STK3: variants seen among roughly 807,000 people sequenced by gnomAD.
STK3 encodes the protein serine/threonine kinase 3, also known as serine/threonine-protein kinase 3.
In STK3, 41 loss-of-function variants were observed where a neutral mutation model predicts 58.0. The ratio of observed to expected loss-of-function variants is 0.71; its 90% CI spans 0.55 to 0.92. The LOEUF (loss-of-function observed/expected upper bound fraction) is 0.92, where lower values mean the gene tolerates loss of function less well. Ranked by LOEUF, STK3 falls within the 40% of genes least tolerant of loss-of-function variation. The pLI is 0.00. For missense variants in STK3, 479 were observed against 602.7 expected, an observed-to-expected ratio of 0.79 and a Z score of 2.15; for synonymous variants, 170 against 191.0, an observed-to-expected ratio of 0.89 and a Z score of 0.91.
At chr8:98,786,252 AG>A (rs1832456955) in intron 1 of STK3, among the ~76,000 whole-genome samples, 1 of 152,226 alleles carries the variant, frequency 6.6e-6, no homozygotes, top group South Asian at 2.1e-4. Flanking sequence ...ACCAAGCAAA[AG>A]AAAGAATTTC....
chr8:98,651,145 C>G (rs946418358), intron 6 of STK3, among the ~76,000 whole-genome samples: 1 of 152,216 alleles, frequency 6.6e-6, no homozygotes, highest in Non-Finnish European at 1.5e-5. Flanking sequence ...TGAGACAAAA[C>G]TTCCAGAGGA....
rs184491996 is a variant in STK3 at position 98,799,528 on chromosome 8, G to T, written c.27-24709C>A. 1.2e-3 allele frequency among the ~76,000 whole-genome samples: 188 copies of T among 152,246 alleles called. 1 individual carries two copies. Among genetic ancestry groups the T allele is most frequent in the African/African-American group, 4.4e-3 (181 of 41,542 alleles). ...CCTTTAAAAGCCAGGGTAAGGTTCT[G>T]TCTACCCAGCCAAGGTATATTCTTC... On this transcript the variant is annotated intron_variant, in intron 1 of 10. Coordinates refer to ENST00000419617, the MANE Select transcript of STK3 (RefSeq NM_006281.4).
At chr8:98,920,284 T>A (rs1368009173) in intron 1 of STK3, among the ~76,000 whole-genome samples, 1 of 152,210 alleles carries the variant, frequency 6.6e-6, no homozygotes, top group Non-Finnish European at 1.5e-5. Context: ...GGTAGGTTAG[T>A]GAATAGTCTT....
intron 1 of STK3, among the ~76,000 whole-genome samples, chr8:98,778,153 A>G (rs953041684): frequency 6.6e-6 from 1 of 152,238 alleles, no homozygotes; most frequent in African/African-American, 2.4e-5. Flanking sequence ...TAATATCCAG[A>G]ATCTACGATG....
intron 1 of STK3, among the ~76,000 whole-genome samples, chr8:98,449,150 G>T (rs887208968): frequency 6.6e-6 from 1 of 152,060 alleles, no homozygotes; most frequent in Admixed American, 6.6e-5. Context: ...TCAGTCTCTG[G>T]GAACCTTATA....
At chr8:98,870,179 C>A (rs201425151) in intron 3 of STK3, among the ~76,000 whole-genome samples, 2 of 152,100 alleles carry the variant, frequency 1.3e-5, no homozygotes, top group African/African-American at 2.4e-5. Flanking sequence ...TGAACTCATC[C>A]TTTTTTATGG....
chr8:98,942,194 C>T (rs1435235843), intron 1 of STK3, among the ~76,000 whole-genome samples: 1 of 152,198 alleles, frequency 6.6e-6, no homozygotes, highest in African/African-American at 2.4e-5. Context: ...AAGGGTCAGC[C>T]CCCAGTGGGC....
chr8:98,657,637 G>C (rs1821650930), intron 6 of STK3, among the ~76,000 whole-genome samples: 1 of 151,962 alleles, frequency 6.6e-6, no homozygotes, highest in Admixed American at 6.6e-5. Context: ...CACATGTATA[G>C]AGAAATGTTT....
chr8:98,847,543 C>T (rs761052010), intron 3 of STK3, among the ~76,000 whole-genome samples: 22 of 152,252 alleles, frequency 1.4e-4, no homozygotes, highest in Admixed American at 9.8e-4. Context: ...TGTGTCCCAA[C>T]ACCCCAAGAT....
intron 1 of STK3, among the ~76,000 whole-genome samples, chr8:98,897,023 AAG>A (rs1587817555): frequency 6.6e-6 from 1 of 151,352 alleles, no homozygotes; most frequent in Non-Finnish European, 1.5e-5. Flanking sequence ...AAGAAAGAGA[AAG>A]AGAAAGAAAG....
At chr8:98,358,240 T>C in the STK3 span, among the ~76,000 whole-genome samples, 8 of 152,070 alleles carry the variant, frequency 5.3e-5, no homozygotes, top group Non-Finnish European at 8.8e-5. Context: ...ACACGGGCAA[T>C]TGGGGCCAAG....
chr8:98,722,049 A>T (rs947137566), intron 4 of STK3, among the ~76,000 whole-genome samples: 5 of 152,164 alleles, frequency 3.3e-5, no homozygotes, highest in African/African-American at 1.2e-4. Context: ...AAAGGAGTGC[A>T]ATTAATTAGG....
chr8:98,859,504 CT>C (rs1243868239), intron 3 of STK3, among the ~76,000 whole-genome samples: 1 of 152,176 alleles, frequency 6.6e-6, no homozygotes, highest in Non-Finnish European at 1.5e-5. Context: ...CTAGGCGTCA[CT>C]GAGGCTGCTT....
At chr8:98,566,454 A>G (rs1028970031) in intron 8 of STK3, among the ~76,000 whole-genome samples, 7 of 152,104 alleles carry the variant, frequency 4.6e-5, no homozygotes, top group African/African-American at 1.7e-4. Context: ...TCTGAAAATT[A>G]TGTTAAGAAT....
intron 3 of STK3, chr8:98,429,430 C>T (rs1206457140): frequency 6.5e-7 from 1 of 1,548,378 alleles, no homozygotes; most frequent in Middle Eastern, 1.7e-4. Context: ...GGACTTGTCA[C>T]CCTCCACCCC....
At chr8:98,506,764 C>G (rs1270667867) in intron 10 of STK3, among the ~76,000 whole-genome samples, 1 of 152,082 alleles carries the variant, frequency 6.6e-6, no homozygotes, top group African/African-American at 2.4e-5. Context: ...TCAACGAATG[C>G]AGCTCCAGAT....
intron 6 of STK3, among the ~76,000 whole-genome samples, chr8:98,663,425 A>C (rs1201072838): frequency 6.6e-6 from 1 of 152,240 alleles, no homozygotes; most frequent in Non-Finnish European, 1.5e-5. Context: ...TGTTGGTGGG[A>C]CTGAAAACTA....
intron 10 of STK3, among the ~76,000 whole-genome samples, chr8:98,475,655 G>GT (rs1473295148): frequency 3.3e-5 from 5 of 152,134 alleles, no homozygotes; most frequent in Admixed American, 1.3e-4. Context: ...TCTTAAGGAG[G>GT]TTTTTTAAAG....
intron 3 of STK3, among the ~76,000 whole-genome samples, chr8:98,765,238 A>G (rs983880629): frequency 4.6e-5 from 7 of 152,210 alleles, no homozygotes; most frequent in African/African-American, 1.7e-4. Context: ...TTCTATATCA[A>G]ATTGTGGGAA....
Sources: gnomAD v4.1 joint callset for allele counts (sites outside exome capture counted in the v4.1 genomes callset) on GRCh38, gnomAD v4.1.1 for gene constraint, MANE v1.5 for transcripts, NCBI Gene and HGNC (gene_info 2026-07-23, HGNC 2026-07-21) for gene names.